The following STXBP2 variants were observed in gnomAD, a reference collection of about 807,000 sequenced individuals.
The protein encoded by STXBP2 is syntaxin-binding protein 2.
Under a neutral mutation model 72.2 loss-of-function variants are expected in STXBP2, and 47 were observed. The ratio of observed to expected loss-of-function variants is 0.65; its 90% CI spans 0.51 to 0.83. The LOEUF (loss-of-function observed/expected upper bound fraction) is 0.83. Ranked by LOEUF, STXBP2 falls within the 40% of genes least tolerant of loss-of-function variation. The pLI is 0.00. For missense variants in STXBP2, 702 were observed against 807.6 expected (o/e 0.87, Z 1.58); for synonymous variants, 367 against 338.7 (o/e 1.08, Z -0.92).
At chr19:7,645,349 G>A (rs373567668) in intron 15 of STXBP2, 43 bp downstream of exon 15, 779 of 1,532,538 alleles carry the variant, frequency 5.1e-4, no homozygotes, top group Non-Finnish European at 6.5e-4. Flanking sequence ...GAGAGGGTGC[G>A]GATCACAGCC....
At chr19:7,635,827 G>C (rs931376197), upstream of STXBP2, among the ~76,000 whole-genome samples, 1 of 149,472 alleles carries the variant, frequency 6.7e-6, no homozygotes, top group Non-Finnish European at 1.5e-5. Flanking sequence ...GCCTGTGACT[G>C]TCCTATTTTT....
intron 6 of STXBP2, 76 bp from the exon 7 acceptor site, chr19:7,641,629 G>GGT: frequency 6.5e-7 from 1 of 1,543,592 alleles, no homozygotes; most frequent in South Asian, 1.2e-5. Context: ...AGGAGGTGCA[G>GGT]GTGGCGGCAG....
At chr19:7,637,212 C>T (rs2031577608) in intron 1 of STXBP2, 26 bp downstream of exon 1, 2 of 1,241,080 alleles carry the variant, frequency 1.6e-6, no homozygotes, top group South Asian at 4.0e-5. Context: ...GGGCCGGGCT[C>T]TGGCGTCCGG....
rs1244379786 is a variant in STXBP2 at position 7,640,871 on chromosome 19, C to T, written c.326-29C>T. The stretch of plus-strand genomic sequence containing the variant: ...CAAGGAGGTGTGGGGGCTGCTCTGG[C>T]CTGATGCCCCACTCCTGCCTCACCC... On this transcript the variant is annotated intron_variant, in intron 5 of 18. Transcript: ENST00000221283. 1 of 1,613,344 alleles carries T rather than the reference C, an allele frequency of 6.2e-7. No homozygotes were observed. Among genetic ancestry groups the T allele is most frequent in the Admixed American group, 1.7e-5 (1 of 60,028 alleles).
At chr19:7,640,171 T>C (rs751628990) in intron 4 of STXBP2, 48 of 551,024 alleles carry the variant, frequency 8.7e-5, no homozygotes, top group Admixed American at 2.7e-4. Context: ...TGTGTGTGTG[T>C]GCGTCTGTCT....
rs376908459 is a variant in STXBP2, at chr19:7,646,289, T to C, written c.1397T>C (p.Met466Thr). ...AGCCGGCTGGAGCCGAGAGAACGCATGGAGCCCACCTATCAGCTGTCCCGC... is the reference window on the plus strand; with the variant it reads ...AGCCGGCTGGAGCCGAGAGAACGCACGGAGCCCACCTATCAGCTGTCCCGC... ...TSSRLEPRER[M>T]EPTYQLSRWT... is the part of the protein sequence containing the mutation. Residue 466 changes from methionine to threonine, a missense_variant, in exon 16 of 19, where the codon ATG (methionine) becomes ACG (threonine). Met to Thr is a moderately conservative substitution (Grantham distance 81). Transcript: ENST00000221283. 1.1e-5 allele frequency: 18 copies of C among 1,611,532 alleles called. No homozygotes were observed. The highest frequency in any genetic ancestry group is 1.4e-5 in the Non-Finnish European group (17 of 1,179,282).
At chr19:7,640,706 CCA>C (rs755095745) in intron 4 of STXBP2, 23 bp from the exon 5 acceptor site, 70 of 1,613,994 alleles carry the variant, frequency 4.3e-5, no homozygotes, top group Non-Finnish European at 5.6e-5. Context: ...AGGCTCAGGC[CCA>C]GAGAGTGATC....
In STXBP2 at chr19:7,645,242, T is replaced by C; in HGVS notation, c.1292T>C (p.Val431Ala). 6.3e-7 allele frequency: 1 copy of C among 1,580,262 alleles called. No homozygotes were observed. Among genetic ancestry groups the C allele is most frequent in the Non-Finnish European group, 8.6e-7 (1 of 1,161,984 alleles). The change falls in exon 15 of 19, where the codon GTA becomes GCA. Residue 431 changes from valine (V) to alanine (A), a missense_variant. By Grantham distance (64) the Val-to-Ala change is moderately conservative. Transcript: ENST00000221283. ...GCCAAGCTGATCCAGCATGCCAATG[T>C]ACAGGCGCACAGCAGCCTCATCCGT... ...NLAKLIQHAN[V>A]QAHSSLIRNL...
chr19:7,635,941 G>A (rs968392401), upstream of STXBP2, among the ~76,000 whole-genome samples: 34 of 152,130 alleles, frequency 2.2e-4, no homozygotes, highest in African/African-American at 8.2e-4. Flanking sequence ...CTTAAGCTCG[G>A]GGCTCCTCCC....
Position 7,645,315 on chromosome 19 carries a change from G to A in STXBP2, c.1356+9G>A. On this transcript the variant is annotated intron_variant, in intron 15 of 18. Transcript: ENST00000221283. ...CTGTCACCAACCCCGGGGTACGCCA[G>A]GAGCGGGCATGGGGGGACCCTGGGA... 2 of 1,572,964 alleles carry A rather than the reference G, an allele frequency of 1.3e-6. No individual in the cohort carries two copies. The highest frequency in any genetic ancestry group is 1.7e-6 in the Non-Finnish European group (2 of 1,158,084).
upstream of STXBP2, chr19:7,633,469 CCA>C: frequency 6.4e-7 from 1 of 1,572,750 alleles, no homozygotes; most frequent in Non-Finnish European, 8.6e-7. Context: ...TCCCTGGACT[CCA>C]GTCACTTTTC....
In STXBP2 at chr19:7,645,152, G is replaced by A. The variant is rs188752141; in HGVS notation, c.1247-45G>A. The stretch of plus-strand genomic sequence containing the variant: ...ACCCCAAACTCCCCTAAACCTGGGA[G>A]CTCACCTGGCCGCCGCCTCCACCCT... On this transcript the variant is annotated intron_variant, in intron 14 of 18. Coordinates refer to ENST00000221283, the MANE Select transcript of STXBP2 (RefSeq NM_006949.4). 2.3e-5 allele frequency: 35 copies of A among 1,542,582 alleles called. No homozygotes were observed. The East Asian group carries it at 8.3e-4, about 37-fold the overall frequency.
Position 7,642,837 on chromosome 19 carries a change from C to G in STXBP2, c.960+14C>G, listed in dbSNP as rs1322085165. 9 of 1,614,016 alleles carry G rather than the reference C, an allele frequency of 5.6e-6. No homozygotes were observed. The highest frequency in any genetic ancestry group is 3.3e-5 in the Admixed American group (2 of 60,010). ...ACCACGGACAAGGTAGGGGCGGACC[C>G]AGGTCACCAAAGGCGCTGGTGGAAG... On this transcript the variant is annotated intron_variant, in intron 11 of 18. Transcript: ENST00000221283. This position sits in a 1 kb window ranked among gnomAD's most constrained non-coding sequence, Gnocchi z 6.0.
chr19:7,641,961 CT>C, intron 7 of STXBP2, 72 bp from the exon 8 acceptor site: 1 of 1,609,460 alleles, frequency 6.2e-7, no homozygotes, highest in South Asian at 1.1e-5. Context: ...ACCCTGGCCC[CT>C]GACTCTCACC....
upstream of STXBP2, chr19:7,632,782 G>C: frequency 6.4e-7 from 1 of 1,565,766 alleles, no homozygotes; most frequent in Non-Finnish European, 8.6e-7. This position sits in a 1 kb window ranked among gnomAD's most constrained non-coding sequence, Gnocchi z 5.2. Flanking sequence ...CGGTCGCCCT[G>C]CACGTGGCTC....
chr19:7,645,539 G>T (rs556590609), intron 15 of STXBP2: 4 of 555,554 alleles, frequency 7.2e-6, no homozygotes, highest in African/African-American at 5.6e-5. Context: ...GTCGCTGCCA[G>T]GCTGGTCCTG....
chr19:7,647,292 G>T, intron 17 of STXBP2, 45 bp downstream of exon 17: 1 of 1,611,486 alleles, frequency 6.2e-7, no homozygotes. Flanking sequence ...GTCTGTGTTA[G>T]GTGGGCGGCC....
chr19:7,633,651 G>A (rs2031429251), upstream of STXBP2: 8 of 604,304 alleles, frequency 1.3e-5, no homozygotes, highest in Non-Finnish European at 2.3e-5. Flanking sequence ...AACGATGCTG[G>A]ATCTGGCATG....
At chr19:7,634,057 C>T (rs1403065211), upstream of STXBP2, among the ~76,000 whole-genome samples, 1 of 152,162 alleles carries the variant, frequency 6.6e-6, no homozygotes, top group Non-Finnish European at 1.5e-5. Context: ...TCCCTGGAGC[C>T]TGGTTGCCTG....
Sources: allele counts gnomAD v4.1 joint callset (sites outside exome capture counted in the v4.1 genomes callset), GRCh38; gene constraint gnomAD v4.1.1; non-coding constraint Gnocchi (gnomAD v3.1); transcripts MANE v1.5; gene names NCBI Gene and HGNC (gene_info 2026-07-23, HGNC 2026-07-21).